The following SSPN variants were observed in gnomAD, a reference collection of about 807,000 sequenced individuals.
SSPN encodes K-ras oncogene-associated protein.
Under a neutral mutation model 19.1 loss-of-function variants are expected in SSPN, and 15 were observed. The observed-to-expected ratio is 0.78, with a 90% CI of 0.52 to 1.21. The LOEUF is 1.21. Ranked by LOEUF, SSPN falls within the 50% of genes most tolerant of loss-of-function variation. The pLI, the probability that SSPN is intolerant of heterozygous loss-of-function variation, is 0.00. For missense variants in SSPN, 291 were observed against 314.0 expected (o/e 0.93, Z 0.55); for synonymous variants, 147 against 140.3 (o/e 1.05, Z -0.34).
intron 1 of SSPN, among the ~76,000 whole-genome samples, chr12:26,210,614 C>T (rs1032751245): frequency 2.0e-5 from 3 of 152,046 alleles, no homozygotes; most frequent in Admixed American, 6.6e-5. Context: ...GTTACTTTCT[C>T]ATCTTAATAG....
intron 1 of SSPN, chr12:26,180,742 T>C (rs1944713563): frequency 6.6e-6 from 1 of 152,188 alleles, no homozygotes; most frequent in South Asian, 2.1e-4. Flanking sequence ...AAATCAGATA[T>C]TTGCCTTTTC....
At position 26,230,713 on chromosome 12, in the gene SSPN, G is replaced by A. The variant is rs1008368265; in HGVS notation, c.369G>A (p.Leu123=). The A allele has an allele frequency of 6.2e-7, 1 of 1,606,872 alleles. No homozygotes were observed. The highest frequency in any genetic ancestry group is 8.5e-7 in the Non-Finnish European group (1 of 1,174,960). ...ERTCIQFSMK[L]LYFLLSALGL... ...GGTTTTCTTCTGCTTTCTTGCAGCTGTTATACTTTCTGCTGAGTGCCCTGG... is the reference window on the plus strand; with the variant it reads ...GGTTTTCTTCTGCTTTCTTGCAGCTATTATACTTTCTGCTGAGTGCCCTGG... The change falls in exon 3 of 3, where the codon CTG becomes CTA. Residue 123 remains leucine (L), a splice_region_variant and synonymous_variant. Transcript: ENST00000242729.
intron 1 of SSPN, among the ~76,000 whole-genome samples, chr12:26,144,202 C>A (rs947038916): frequency 4.6e-5 from 7 of 152,148 alleles, no homozygotes; most frequent in African/African-American, 1.7e-4. Flanking sequence ...TGGGGACTGC[C>A]GCCTTAAAAC....
intron 1 of SSPN, among the ~76,000 whole-genome samples, chr12:26,209,242 A>T (rs1366117561): frequency 6.6e-6 from 1 of 152,048 alleles, no homozygotes; most frequent in African/African-American, 2.4e-5. Context: ...CTTTGTGCTC[A>T]GTTCATGTGT....
At position 26,201,031 on chromosome 12, in the gene SSPN, A is replaced by AAAT. The variant is rs1555179558; in HGVS notation, c.279+5080_279+5081insAAT. ...TTTGTGTATATATATATATATATATATATATATATATATATTATATATATA... is the reference window on the plus strand; with the variant it reads ...TTTGTGTATATATATATATATATATAAATTATATATATATATATTATATATATA... On this transcript the variant is annotated intron_variant, in intron 1 of 2. Coordinates refer to ENST00000242729, the MANE Select transcript of SSPN (RefSeq NM_005086.5). Among the ~76,000 whole-genome samples the AAAT allele has an allele frequency of 6.6e-5, 4 of 60,518 alleles. No homozygotes were observed. The East Asian group carries it at 1.9e-3, about 29-fold the overall frequency. The allele number at this position is 60,518 out of a possible 152,430, so 39.7% of individuals were successfully genotyped here. A position where few individuals can be genotyped will look rare whatever the true frequency, so the allele number is the denominator to read the frequency against.
intron 1 of SSPN, among the ~76,000 whole-genome samples, chr12:26,166,057 G>GT (rs1157764519): frequency 6.6e-6 from 1 of 152,128 alleles, no homozygotes; most frequent in Non-Finnish European, 1.5e-5. Context: ...TCACTCCTAA[G>GT]TGGGAGTTGA....
At chr12:26,122,950 C>G in intron 1 of SSPN, 1 of 1,557,062 alleles carries the variant, frequency 6.4e-7, no homozygotes, top group Non-Finnish European at 8.7e-7. Flanking sequence ...GCGCCGGTGC[C>G]TTTGCTCAGA....
Position 26,232,014 on chromosome 12 carries a change from A to C in SSPN, c.*938A>C, listed in dbSNP as rs867387031. 37,221 of 985,352 alleles carry C rather than the reference A, an allele frequency of 0.038. 785 individuals are homozygous for C. The highest frequency in any genetic ancestry group is 0.041 in the Non-Finnish European group (33,840 of 829,874). 61.0% of individuals were successfully genotyped at this position (985,352 alleles called of 1,614,324 possible). A position where few individuals can be genotyped will look rare whatever the true frequency, so the allele number is the denominator to read the frequency against. On this transcript the variant is annotated 3_prime_UTR_variant, in exon 3 of 3. Coordinates refer to ENST00000242729, the MANE Select transcript of SSPN (RefSeq NM_005086.5). ...AAAGCCAAGCACCACAAGGAAAAAA[A>C]AAATTATTAATAGCTCAGGTTAAAA...
intron 1 of SSPN, chr12:26,180,132 T>G (rs907741473): frequency 6.6e-6 from 1 of 152,086 alleles, no homozygotes. Flanking sequence ...AAGGATGGAA[T>G]TGAAAAAAGT....
intron 1 of SSPN, among the ~76,000 whole-genome samples, chr12:26,197,102 A>G (rs1944836955): frequency 6.6e-6 from 1 of 152,218 alleles, no homozygotes; most frequent in African/African-American, 2.4e-5. Context: ...GGTCGAATCA[A>G]GAGAGACTAG....
chr12:26,230,327 G>A (rs1451863092), intron 2 of SSPN, among the ~76,000 whole-genome samples: 1 of 152,188 alleles, frequency 6.6e-6, no homozygotes, highest in African/African-American at 2.4e-5. Context: ...TCTTGTTTCA[G>A]TCTTAATATC....
At chr12:26,173,605 A>T (rs996768847) in intron 1 of SSPN, among the ~76,000 whole-genome samples, 1 of 151,894 alleles carries the variant, frequency 6.6e-6, no homozygotes, top group Non-Finnish European at 1.5e-5. Flanking sequence ...TTACTACTTT[A>T]TGACCATTTC....
chr12:26,231,001 T>C lies in SSPN; in HGVS notation c.657T>C (p.His219=), dbSNP rs763081632. ...TGGCCTGCTTTGTGATGTGGAAACA[T>C]AGGTACCAGGTCTTCTATGTGGGTG... ...CLLACFVMWK[H]RYQVFYVGVR... The change falls in exon 3 of 3, where the codon CAT becomes CAC. Residue 219 remains histidine, a synonymous_variant. Coordinates refer to ENST00000242729, the MANE Select transcript of SSPN (RefSeq NM_005086.5). The C allele has an allele frequency of 2.5e-6, 4 of 1,614,204 alleles. No homozygotes were observed. Among genetic ancestry groups the C allele is most frequent in the Non-Finnish European group, 3.4e-6 (4 of 1,180,036 alleles).
intron 1 of SSPN, among the ~76,000 whole-genome samples, chr12:26,137,996 A>C (rs970271759): frequency 6.6e-6 from 1 of 151,976 alleles, no homozygotes. Flanking sequence ...GTTGTCCCTC[A>C]GTATCCACAG....
chr12:26,207,886 G>C (rs1029017528), intron 1 of SSPN, among the ~76,000 whole-genome samples: 11 of 152,016 alleles, frequency 7.2e-5, no homozygotes, highest in Non-Finnish European at 1.5e-4. Context: ...TGTTGTTCCA[G>C]CTACTCAGGA....
rs1238959766 is a variant in SSPN at position 26,231,658 on chromosome 12, C to T, written c.*582C>T. The T allele has an allele frequency of 1.3e-5, 2 of 153,504 alleles. No individual in the cohort carries two copies. Among genetic ancestry groups the T allele is most frequent in the Non-Finnish European group, 2.9e-5 (2 of 69,210 alleles). 9.5% of individuals were successfully genotyped at this position (153,504 alleles called of 1,614,324 possible). A position where few individuals can be genotyped will look rare whatever the true frequency, so the allele number is the denominator to read the frequency against. ...TTGCAAAAGGCTAGATAACTAACAA[C>T]ACCTGGGTTGGGGCGGCGGCCTCTT... On this transcript the variant is annotated 3_prime_UTR_variant, in exon 3 of 3. Transcript: ENST00000242729.
intron 1 of SSPN, among the ~76,000 whole-genome samples, chr12:26,161,984 C>G (rs572349446): frequency 6.6e-6 from 1 of 152,062 alleles, no homozygotes; most frequent in Non-Finnish European, 1.5e-5. Context: ...GTCCGTGGCC[C>G]GGGGGTTGGG....
intron 1 of SSPN, among the ~76,000 whole-genome samples, chr12:26,205,438 A>G (rs1474297875): frequency 2.6e-5 from 4 of 152,112 alleles, no homozygotes; most frequent in Admixed American, 2.6e-4. Flanking sequence ...TAAGTGGGGG[A>G]AAAAACACTT....
rs1276602301 is a variant in SSPN, at chr12:26,232,205, C to T, written c.*1129C>T. On this transcript the variant is annotated 3_prime_UTR_variant, in exon 3 of 3. Transcript: ENST00000242729. ...CATGAAACTGTATTTGATACATAAT[C>T]CTATTATTAATTCGTATGCTTAGTC... 3 of 985,228 alleles carry T rather than the reference C, an allele frequency of 3.0e-6. No individual in the cohort carries two copies. Among genetic ancestry groups the T allele is most frequent in the Admixed American group, 6.1e-5 (1 of 16,262 alleles). The allele number at this position is 985,228 out of a possible 1,614,324, so 61.0% of individuals were successfully genotyped here.
Sources: gnomAD v4.1 joint callset for allele counts (sites outside exome capture counted in the v4.1 genomes callset) on GRCh38, gnomAD v4.1.1 for gene constraint, MANE v1.5 for transcripts, NCBI Gene and HGNC (gene_info 2026-07-23, HGNC 2026-07-21) for gene names.